The following SLC4A5 variants were observed in gnomAD, a reference collection of about 807,000 sequenced individuals.
SLC4A5 encodes electrogenic sodium bicarbonate cotransporter 4.
A neutral mutation model predicts 120.4 loss-of-function variants in SLC4A5; 96 were observed. The observed-to-expected ratio is 0.80, with a 90% CI of 0.68 to 0.94. The LOEUF (loss-of-function observed/expected upper bound fraction) is 0.94, where lower values mean the gene tolerates loss of function less well. SLC4A5 is among the 40% of genes least tolerant of loss of function. The pLI is 0.00. For synonymous variants in SLC4A5, 550 were observed against 571.1 expected (o/e 0.96, Z 0.53); for missense variants, 1,259 against 1,459.5 (o/e 0.86, Z 2.24).
chr2:74,254,285 G>A (rs1001931636), intron 14 of SLC4A5, among the ~76,000 whole-genome samples: 3 of 152,110 alleles, frequency 2.0e-5, no homozygotes, highest in African/African-American at 7.2e-5. Flanking sequence ...CATTTCCTTT[G>A]TTTGGAATGC....
intron 6 of SLC4A5, chr2:74,307,955 A>C: frequency 1.8e-6 from 1 of 542,598 alleles, no homozygotes; most frequent in South Asian, 1.5e-5. Flanking sequence ...GTGGCTGGAC[A>C]GAGCCCAGGG....
chr2:74,239,919 G>C (rs1252159480), intron 20 of SLC4A5, among the ~76,000 whole-genome samples: 2 of 151,742 alleles, frequency 1.3e-5, no homozygotes, highest in Non-Finnish European at 2.9e-5. Context: ...CACCTCCCTT[G>C]TCAGTCCCCT....
intron 6 of SLC4A5, chr2:74,308,086 T>G: frequency 2.2e-6 from 1 of 463,140 alleles, no homozygotes; most frequent in Non-Finnish European, 4.2e-6. Flanking sequence ...CTGAACAATA[T>G]TCCACCGATC....
intron 4 of SLC4A5, among the ~76,000 whole-genome samples, chr2:74,329,754 G>C (rs1490610239): frequency 6.6e-6 from 1 of 151,802 alleles, no homozygotes; most frequent in Non-Finnish European, 1.5e-5. Context: ...CTGAGGTATT[G>C]ACGGTGGTGT....
intron 25 of SLC4A5, among the ~76,000 whole-genome samples, chr2:74,229,054 G>A (rs1039032614): frequency 1.4e-5 from 2 of 144,814 alleles, no homozygotes; most frequent in African/African-American, 5.1e-5. Flanking sequence ...ACACTAGGAG[G>A]GCTTTAGAGG....
At chr2:74,304,704 G>A (rs1383714063) in intron 6 of SLC4A5, 24 bp from the exon 7 acceptor site, 2 of 1,587,094 alleles carry the variant, frequency 1.3e-6, no homozygotes, top group Non-Finnish European at 1.7e-6. Flanking sequence ...ACAAAAGACA[G>A]GGGAGGCAGG....
intron 30 of SLC4A5, among the ~76,000 whole-genome samples, chr2:74,220,242 G>A (rs1694582406): frequency 6.6e-6 from 1 of 152,128 alleles, no homozygotes; most frequent in Non-Finnish European, 1.5e-5. Flanking sequence ...TTTCACGGGT[G>A]GCTTCTCATG....
At chr2:74,246,685 G>A (rs774103336) in intron 19 of SLC4A5, among the ~76,000 whole-genome samples, 1 of 152,156 alleles carries the variant, frequency 6.6e-6, no homozygotes, top group Non-Finnish European at 1.5e-5. Context: ...GGAGCTGGGC[G>A]GGACTTCAGG....
At chr2:74,271,170 T>TA in intron 8 of SLC4A5, among the ~76,000 whole-genome samples, 1 of 152,298 alleles carries the variant, frequency 6.6e-6, no homozygotes, top group Non-Finnish European at 1.5e-5. Flanking sequence ...GCAGATCACC[T>TA]CTGAGATCAT....
intron 25 of SLC4A5, among the ~76,000 whole-genome samples, chr2:74,228,499 A>G (rs6758019): frequency 0.29 from 43,497 of 151,986 alleles, 9,854 homozygotes; most frequent in African/African-American, 0.59. Context: ...GCGTGGTGGC[A>G]CATGCCTGTA....
chr2:74,302,276 T>C (rs917545243), intron 7 of SLC4A5, among the ~76,000 whole-genome samples: 4 of 152,042 alleles, frequency 2.6e-5, no homozygotes, highest in African/African-American at 7.3e-5. Flanking sequence ...ACACATAGTA[T>C]AGGAAGAGCA....
At chr2:74,254,254 C>G (rs1670886978) in intron 14 of SLC4A5, among the ~76,000 whole-genome samples, 1 of 152,292 alleles carries the variant, frequency 6.6e-6, no homozygotes, top group African/African-American at 2.4e-5. Context: ...CCACCTCCAT[C>G]CAGCTTCTCT....
rs151069015 is a variant in SLC4A5 at position 74,334,409 on chromosome 2, T to C, written c.-220-232A>G. On this transcript the variant is annotated intron_variant, in intron 3 of 30. Coordinates refer to ENST00000394019, the Ensembl canonical transcript of SLC4A5. The stretch of plus-strand genomic sequence containing the variant: ...CCCACCTCAGGACCTTTGCACTTAC[T>C]GTTTCCCTAATCTTCAGCCTGACTT... Among the ~76,000 whole-genome samples, 115 of 152,346 alleles carry C rather than the reference T, an allele frequency of 7.5e-4. 1 individual carries two copies. Among genetic ancestry groups the C allele is most frequent in the African/African-American group, 2.6e-3 (107 of 41,576 alleles).
intron 28 of SLC4A5, among the ~76,000 whole-genome samples, chr2:74,224,278 G>A (rs1427470150): frequency 1.3e-5 from 2 of 152,128 alleles, no homozygotes; most frequent in East Asian, 3.9e-4. Context: ...GGGGCAGATG[G>A]GGCAACCATG....
At chr2:74,254,812 T>C (rs950688949) in intron 13 of SLC4A5, 106 bp from the exon 14 acceptor site, 35 of 818,254 alleles carry the variant, frequency 4.3e-5, no homozygotes, top group Non-Finnish European at 5.8e-5. Flanking sequence ...CCCTGAACAG[T>C]ATGCATTTTT....
chr2:74,245,544 C>A (rs1057117986), intron 19 of SLC4A5, among the ~76,000 whole-genome samples: 1 of 152,162 alleles, frequency 6.6e-6, no homozygotes, highest in African/African-American at 2.4e-5. Context: ...GTAGGATCCC[C>A]TCTGGGCAAG....
chr2:74,340,550 G>C (rs1351764302), intron 2 of SLC4A5, among the ~76,000 whole-genome samples: 1 of 152,128 alleles, frequency 6.6e-6, no homozygotes, highest in Non-Finnish European at 1.5e-5. Flanking sequence ...ATGGGGCCAT[G>C]AGGATGAGAT....
chr2:74,324,590 T>C (rs1243025223), intron 5 of SLC4A5, among the ~76,000 whole-genome samples: 1 of 152,230 alleles, frequency 6.6e-6, no homozygotes, highest in Non-Finnish European at 1.5e-5. Context: ...TCCCAATTTA[T>C]ATTTTTTATT....
At chr2:74,330,518 T>C (rs868185520) in intron 4 of SLC4A5, among the ~76,000 whole-genome samples, 5 of 74,806 alleles carry the variant, frequency 6.7e-5, no homozygotes, top group Non-Finnish European at 1.2e-4. Flanking sequence ...TAGATGGAGG[T>C]GGTGAGGTCT....
Sources: allele counts gnomAD v4.1 joint callset (sites outside exome capture counted in the v4.1 genomes callset), GRCh38; gene constraint gnomAD v4.1.1; transcripts MANE v1.5; gene names NCBI Gene and HGNC (gene_info 2026-07-23, HGNC 2026-07-21).